NSRP1: variants seen among roughly 807,000 people sequenced by gnomAD.
NSRP1 encodes nuclear speckle splicing regulatory protein 1, also known as coiled-coil domain containing 55.
A neutral mutation model predicts 54.7 loss-of-function variants in NSRP1; 24 were observed. The observed-to-expected ratio is 0.44, with a 90% CI of 0.32 to 0.62. The LOEUF is 0.62. Ranked by LOEUF, NSRP1 falls within the 20% of genes least tolerant of loss-of-function variation. The probability of loss-of-function intolerance (pLI) is 0.06; values close to 1 mark genes in which losing one functional copy is unlikely to be tolerated. For synonymous variants in NSRP1, 210 were observed against 213.8 expected (o/e 0.98, Z 0.15); for missense variants, 596 against 651.2 (o/e 0.92, Z 0.92).
chr17:30,179,474 GT>G (rs1905231484), intron 5 of NSRP1, among the ~76,000 whole-genome samples, 177 bp downstream of exon 5: 1 of 152,172 alleles, frequency 6.6e-6, no homozygotes, highest in Admixed American at 6.5e-5. Flanking sequence ...AGAAAGGAAA[GT>G]TTAACTAAAA....
intron 2 of NSRP1, among the ~76,000 whole-genome samples, chr17:30,155,825 CTTAATT>C (rs1365628675): frequency 1.3e-5 from 2 of 152,000 alleles, no homozygotes; most frequent in Non-Finnish European, 2.9e-5. Context: ...TTACCCATCT[CTTAATT>C]TTATTTTATT....
chr17:30,142,513 G>A (rs543611966), intron 2 of NSRP1, among the ~76,000 whole-genome samples: 18 of 151,150 alleles, frequency 1.2e-4, no homozygotes, highest in South Asian at 1.0e-3. Context: ...AAAAAAAGTC[G>A]TAGAAATGAA....
intron 2 of NSRP1, among the ~76,000 whole-genome samples, chr17:30,140,177 CTT>C (rs1267798206): frequency 2.0e-5 from 3 of 152,162 alleles, no homozygotes; most frequent in African/African-American, 7.2e-5. Context: ...ATACAAAATA[CTT>C]CCACTTTTCT....
chr17:30,172,014 TCA>T, intron 2 of NSRP1, among the ~76,000 whole-genome samples: 1 of 131,172 alleles, frequency 7.6e-6, no homozygotes, highest in Middle Eastern at 4.0e-3. Context: ...TCTCTCTCTC[TCA>T]CATGTTCACA....
intron 2 of NSRP1, among the ~76,000 whole-genome samples, chr17:30,172,014 T>TCGCTCTCTCACA (rs144705088): frequency 7.6e-6 from 1 of 131,056 alleles, no homozygotes. Flanking sequence ...TCTCTCTCTC[T>TCGCTCTCTCACA]CACATGTTCA....
intron 2 of NSRP1, among the ~76,000 whole-genome samples, chr17:30,146,604 A>G (rs2071858111): frequency 6.6e-6 from 1 of 152,088 alleles, no homozygotes; most frequent in Non-Finnish European, 1.5e-5. Flanking sequence ...GATACTTCCT[A>G]CATTTTGTAG....
intron 3 of NSRP1, among the ~76,000 whole-genome samples, chr17:30,177,394 G>C (rs1391184017): frequency 6.6e-6 from 1 of 150,642 alleles, no homozygotes; most frequent in Non-Finnish European, 1.5e-5. Flanking sequence ...AAAAAATCTA[G>C]TGTAAATATT....
At chr17:30,154,210 A>G (rs2071939988) in intron 2 of NSRP1, among the ~76,000 whole-genome samples, 1 of 151,754 alleles carries the variant, frequency 6.6e-6, no homozygotes, top group African/African-American at 2.4e-5. Flanking sequence ...GGTCCCAGCT[A>G]CTCGGGAGGC....
chr17:30,157,807 T>A (rs1272124133), intron 2 of NSRP1, among the ~76,000 whole-genome samples: 2 of 152,210 alleles, frequency 1.3e-5, no homozygotes, highest in Non-Finnish European at 2.9e-5. Context: ...AATAATGATC[T>A]CCATTTCTAT....
chr17:30,130,051 G>A (rs917058152), intron 2 of NSRP1, among the ~76,000 whole-genome samples: 2 of 152,064 alleles, frequency 1.3e-5, no homozygotes, highest in African/African-American at 4.8e-5. Flanking sequence ...TATTAGAAGT[G>A]GGGAGATGGC....
At chr17:30,117,067 A>C (rs535198048) in intron 1 of NSRP1, 1 of 776,068 alleles carries the variant, frequency 1.3e-6, no homozygotes, top group African/African-American at 1.7e-5. Context: ...TGAGGGAGAA[A>C]CTTGTGAGGA....
intron 6 of NSRP1, 147 bp from the exon 7 acceptor site, chr17:30,184,468 C>T: frequency 2.0e-6 from 2 of 991,170 alleles, no homozygotes; most frequent in Non-Finnish European, 1.4e-6. Flanking sequence ...ACATCAGGAC[C>T]TTTTTGCATT....
chr17:30,166,912 C>T (rs1407223060), intron 2 of NSRP1, among the ~76,000 whole-genome samples: 1 of 152,142 alleles, frequency 6.6e-6, no homozygotes, highest in East Asian at 1.9e-4. Flanking sequence ...GGCAGCAGAG[C>T]AAGACTCCAT....
chr17:30,151,916 T>C (rs545918550), intron 2 of NSRP1, among the ~76,000 whole-genome samples: 1 of 150,892 alleles, frequency 6.6e-6, no homozygotes, highest in South Asian at 2.1e-4. Context: ...ATTACAGGCA[T>C]GCGCCACCAC....
intron 2 of NSRP1, among the ~76,000 whole-genome samples, chr17:30,120,987 A>G (rs1296181820): frequency 6.6e-6 from 1 of 152,208 alleles, no homozygotes; most frequent in African/African-American, 2.4e-5. Context: ...TTAAATAGGC[A>G]AAAATAGAGG....
chr17:30,174,023 A>C (rs1905044639), intron 3 of NSRP1, among the ~76,000 whole-genome samples: 1 of 152,252 alleles, frequency 6.6e-6, no homozygotes, highest in Non-Finnish European at 1.5e-5. Flanking sequence ...GCTTTGAGTC[A>C]GAATTTTGGA....
At chr17:30,175,651 C>A (rs1400944497) in intron 3 of NSRP1, among the ~76,000 whole-genome samples, 1 of 152,030 alleles carries the variant, frequency 6.6e-6, no homozygotes, top group African/African-American at 2.4e-5. Flanking sequence ...GAGATCCGCC[C>A]GTCTTCGCCC....
intron 2 of NSRP1, among the ~76,000 whole-genome samples, chr17:30,126,390 G>T (rs943125304): frequency 1.3e-5 from 2 of 152,066 alleles, no homozygotes; most frequent in African/African-American, 4.8e-5. Flanking sequence ...TCAAAACCCA[G>T]CGCAAAAGCT....
intron 2 of NSRP1, among the ~76,000 whole-genome samples, chr17:30,164,872 G>A (rs1021280021): frequency 6.6e-6 from 1 of 152,098 alleles, no homozygotes; most frequent in African/African-American, 2.4e-5. Context: ...CTCAGGCATA[G>A]AATTAAAATA....
Sources: gnomAD v4.1 joint callset for allele counts (sites outside exome capture counted in the v4.1 genomes callset) on GRCh38, gnomAD v4.1.1 for gene constraint, MANE v1.5 for transcripts, NCBI Gene and HGNC (gene_info 2026-07-23, HGNC 2026-07-21) for gene names.